The following TSHZ2 variants were observed in gnomAD, a reference collection of about 807,000 sequenced individuals.
TSHZ2 encodes teashirt homolog 2.
A neutral mutation model predicts 74.4 loss-of-function variants in TSHZ2; 21 were observed. The observed-to-expected ratio is 0.28, with a 90% confidence interval of 0.20 to 0.41. TSHZ2 has a LOEUF of 0.41. TSHZ2 is among the 10% of genes least tolerant of loss of function. The pLI is 1.00. For missense variants in TSHZ2, 1,244 were observed against 1,293.5 expected (o/e 0.96, Z 0.59); for synonymous variants, 540 against 515.3 (o/e 1.05, Z -0.65).
chr20:53,131,819 A>ACC (rs34289663), intron 1 of TSHZ2, among the ~76,000 whole-genome samples: 95 of 95,378 alleles, frequency 1.0e-3, no homozygotes, highest in Non-Finnish European at 1.5e-3. Flanking sequence ...TTGAATGACA[A>ACC]CCCCCCCCCC....
chr20:53,103,752 G>A (rs1318288984), intron 1 of TSHZ2, among the ~76,000 whole-genome samples: 1 of 152,166 alleles, frequency 6.6e-6, no homozygotes, highest in Non-Finnish European at 1.5e-5. Context: ...GTGGCTCTCA[G>A]TATCATGGCC....
At chr20:53,092,165 C>A (rs904285510) in intron 1 of TSHZ2, among the ~76,000 whole-genome samples, 3 of 151,858 alleles carry the variant, frequency 2.0e-5, no homozygotes, top group Admixed American at 1.3e-4. Context: ...CCTTGTGTGA[C>A]CGCTCCCATC....
intron 1 of TSHZ2, among the ~76,000 whole-genome samples, chr20:53,240,732 TA>T (rs1226266636): frequency 4.0e-5 from 6 of 149,758 alleles, no homozygotes; most frequent in Non-Finnish European, 8.9e-5. Context: ...GATAGATAGA[TA>T]GATAGATAGA....
intron 1 of TSHZ2, among the ~76,000 whole-genome samples, chr20:53,248,273 A>G (rs528888908): frequency 4.7e-5 from 7 of 150,444 alleles, no homozygotes; most frequent in African/African-American, 1.7e-4. Flanking sequence ...CGGTCTAGCT[A>G]TGTGGCACAG....
At chr20:53,307,504 C>A (rs1404239139) in intron 2 of TSHZ2, among the ~76,000 whole-genome samples, 2 of 152,192 alleles carry the variant, frequency 1.3e-5, no homozygotes, top group Non-Finnish European at 2.9e-5. Context: ...TAATTGCCTG[C>A]AGACTGTTTC....
intron 2 of TSHZ2, among the ~76,000 whole-genome samples, chr20:53,303,635 A>C (rs1390542193): frequency 6.6e-6 from 1 of 152,204 alleles, no homozygotes; most frequent in Non-Finnish European, 1.5e-5. Context: ...ATTTTTCTTA[A>C]TAGGGAAGGC....
chr20:53,079,026 T>C (rs758960641), intron 1 of TSHZ2, among the ~76,000 whole-genome samples: 2 of 152,104 alleles, frequency 1.3e-5, no homozygotes, highest in Non-Finnish European at 2.9e-5. Context: ...GAAGAAAGAC[T>C]AAGCCCTGAG....
intron 2 of TSHZ2, among the ~76,000 whole-genome samples, chr20:53,321,261 A>T (rs1386255992): frequency 2.0e-5 from 3 of 151,954 alleles, no homozygotes; most frequent in African/African-American, 7.3e-5. Flanking sequence ...TTGGTCCCTT[A>T]TATCATTCCT....
chr20:53,222,944 A>C (rs1172087900), intron 1 of TSHZ2, among the ~76,000 whole-genome samples: 3 of 152,250 alleles, frequency 2.0e-5, no homozygotes, highest in Non-Finnish European at 4.4e-5. Flanking sequence ...AAAAAAAGCT[A>C]CTTGGCACCT....
chr20:52,994,328 G>T (rs1188956757), intron 1 of TSHZ2, among the ~76,000 whole-genome samples: 1 of 151,974 alleles, frequency 6.6e-6, no homozygotes, highest in Non-Finnish European at 1.5e-5. Context: ...ACGGGTGAAT[G>T]AATGGATGAA....
chr20:53,195,406 T>C (rs575218825), intron 1 of TSHZ2, among the ~76,000 whole-genome samples: 2 of 152,304 alleles, frequency 1.3e-5, no homozygotes, highest in African/African-American at 4.8e-5. Context: ...AAAACAACTA[T>C]ATTGGTGAAA....
intron 1 of TSHZ2, among the ~76,000 whole-genome samples, chr20:53,095,481 G>A (rs1310817727): frequency 5.9e-5 from 9 of 152,196 alleles, no homozygotes. Context: ...GACTCTAAAT[G>A]GGGATCTCAA....
chr20:53,450,313 G>A (rs1247851602), intron 2 of TSHZ2, among the ~76,000 whole-genome samples: 6 of 152,174 alleles, frequency 3.9e-5, no homozygotes, highest in Admixed American at 2.0e-4. Flanking sequence ...GATGGTAAAA[G>A]AAAGAATATG....
intron 2 of TSHZ2, among the ~76,000 whole-genome samples, chr20:53,476,753 A>G (rs199709887): frequency 0.18 from 26,596 of 144,254 alleles, 2,539 homozygotes; most frequent in East Asian, 0.28. Flanking sequence ...TTGTATATCT[A>G]GAAAACCCCA....
intron 2 of TSHZ2, among the ~76,000 whole-genome samples, chr20:53,274,128 G>A (rs1432672937): frequency 1.3e-5 from 2 of 152,156 alleles, no homozygotes; most frequent in Non-Finnish European, 2.9e-5. Context: ...AAATTAGCTG[G>A]GTGTGGTGGC....
In TSHZ2 at chr20:53,446,302, G is replaced by T. The variant is rs180906080; in HGVS notation, c.*9-40842G>T. 2.0e-3 allele frequency among the ~76,000 whole-genome samples: 311 copies of T among 151,708 alleles called. 1 individual carries two copies. The highest frequency in any genetic ancestry group is 7.4e-3 in the African/African-American group (305 of 41,366). ...CTTTTGGCCAGGCGCGGTGACTTACGCCTGTAATCCCAGCACTTTGGGAGG... is the reference window on the plus strand; with the variant it reads ...CTTTTGGCCAGGCGCGGTGACTTACTCCTGTAATCCCAGCACTTTGGGAGG... On this transcript the variant is annotated intron_variant, in intron 2 of 2. Transcript: ENST00000371497.
rs1988996614 is a variant in TSHZ2 at position 53,201,201 on chromosome 20, T to A, written c.41-52298T>A. On this transcript the variant is annotated intron_variant, in intron 1 of 2. Transcript: ENST00000371497. ...AAGGTTATTCATTTTGGATTGCTGA[T>A]ATAACACATTATCACAAACGTAGTG... Among the ~76,000 whole-genome samples the A allele has an allele frequency of 2.6e-5, 4 of 152,206 alleles. No homozygotes were observed. The South Asian group carries it at 6.2e-4, about 24-fold the overall frequency.
At chr20:53,349,611 C>T (rs1228308849) in intron 2 of TSHZ2, among the ~76,000 whole-genome samples, 1 of 145,736 alleles carries the variant, frequency 6.9e-6, no homozygotes, top group Admixed American at 6.9e-5. Flanking sequence ...AAGATCATGC[C>T]ACTGCACTCC....
At chr20:53,245,618 C>G (rs1990183194) in intron 1 of TSHZ2, among the ~76,000 whole-genome samples, 1 of 152,230 alleles carries the variant, frequency 6.6e-6, no homozygotes, top group Admixed American at 6.5e-5. Context: ...TAGGAATCCT[C>G]TAGAGACCTT....
Sources: allele counts gnomAD v4.1 joint callset (sites outside exome capture counted in the v4.1 genomes callset), GRCh38; gene constraint gnomAD v4.1.1; transcripts MANE v1.5; gene names NCBI Gene and HGNC (gene_info 2026-07-23, HGNC 2026-07-21).